The following KATNIP variants were observed in gnomAD, a reference collection of about 807,000 sequenced individuals.
KATNIP encodes the protein katanin-interacting protein.
KATNIP carries 126 observed loss-of-function variants against 174.0 expected under a neutral mutation model. The observed-to-expected ratio is 0.72, with a 90% CI of 0.63 to 0.84. KATNIP has a LOEUF of 0.84. Among genes scored for constraint, KATNIP ranks in the 40% least tolerant of loss-of-function variants. KATNIP has a pLI of 0.00. For missense variants in KATNIP, 1,958 were observed against 2,109.7 expected, an observed-to-expected ratio of 0.93 and a Z score of 1.41; for synonymous variants, 810 against 835.7, an observed-to-expected ratio of 0.97 and a Z score of 0.53.
chr16:27,730,613 C>T (rs560195206), intron 14 of KATNIP, among the ~76,000 whole-genome samples: 3 of 152,314 alleles, frequency 2.0e-5, no homozygotes, highest in South Asian at 2.1e-4. Flanking sequence ...ATACCTGACC[C>T]GTCTTGTTAC....
intron 18 of KATNIP, chr16:27,754,767 T>C (rs1473126319): frequency 6.6e-6 from 1 of 152,654 alleles, no homozygotes; most frequent in Non-Finnish European, 1.5e-5. Flanking sequence ...GTCGGAAATC[T>C]AGAGTCTTAC....
rs114740282 is a variant in KATNIP, at chr16:27,674,173, A to C, written c.541-3556A>C. On this transcript the variant is annotated intron_variant, in intron 6 of 27. Transcript: ENST00000261588. ...TAAATGTGTATCACCAATACTTGGT[A>C]TCAAGGGATGAAAGGGGGAGAACTC... Among the ~76,000 whole-genome samples, 1,005 of 152,338 alleles carry C rather than the reference A, an allele frequency of 6.6e-3. 15 individuals are homozygous for C. Among genetic ancestry groups the C allele is most frequent in the African/African-American group, 0.023 (967 of 41,576 alleles).
At chr16:27,648,568 TC>T in intron 5 of KATNIP, 35 bp from the exon 6 acceptor site, 1 of 1,612,850 alleles carries the variant, frequency 6.2e-7, no homozygotes, top group Non-Finnish European at 8.5e-7. Context: ...AAGACCTCAT[TC>T]CACCTTATCT....
intron 18 of KATNIP, chr16:27,754,535 C>T (rs1371803805): frequency 5.0e-6 from 2 of 400,968 alleles, no homozygotes; most frequent in Admixed American, 8.5e-5. Context: ...TGACCATGAC[C>T]CTGACCCAGG....
intron 1 of KATNIP, among the ~76,000 whole-genome samples, chr16:27,560,143 G>A (rs1441063688): frequency 3.3e-5 from 5 of 151,632 alleles, no homozygotes; most frequent in South Asian, 2.1e-4. Context: ...TTAGCCGGGC[G>A]TGGTGGCGGG....
chr16:27,592,909 G>T (rs2075223438), intron 2 of KATNIP, among the ~76,000 whole-genome samples: 2 of 152,098 alleles, frequency 1.3e-5, no homozygotes, highest in African/African-American at 4.8e-5. Context: ...TATTACTCAG[G>T]ACGTGGTTAA....
At chr16:27,665,154 T>G (rs1340307548) in intron 6 of KATNIP, among the ~76,000 whole-genome samples, 3 of 148,406 alleles carry the variant, frequency 2.0e-5, no homozygotes, top group African/African-American at 2.5e-5. Context: ...TGAGACAGGG[T>G]CTCACTCTGT....
chr16:27,756,435 A>T (rs2143927988), intron 18 of KATNIP, among the ~76,000 whole-genome samples: 1 of 152,288 alleles, frequency 6.6e-6, no homozygotes, highest in African/African-American at 2.4e-5. Flanking sequence ...TTTCCATGAG[A>T]TCAGGCAGCT....
At chr16:27,717,776 C>T (rs978008404) in intron 13 of KATNIP, among the ~76,000 whole-genome samples, 10 of 152,138 alleles carry the variant, frequency 6.6e-5, no homozygotes, top group African/African-American at 2.4e-4. Context: ...CCTCCAGGGC[C>T]CGCTTTACCT....
At chr16:27,684,936 A>C (rs2078470230) in intron 8 of KATNIP, among the ~76,000 whole-genome samples, 1 of 152,188 alleles carries the variant, frequency 6.6e-6, no homozygotes, top group Admixed American at 6.5e-5. Flanking sequence ...GGCCTCAATG[A>C]CCTTTTTAGG....
In KATNIP at chr16:27,766,159, G is replaced by T. The variant is rs1256331325; in HGVS notation, c.3810-150G>T. ...AGACGACTTCTGACTGTTGTTCTCA[G>T]CAGTCACACCTCCCCTTAACAAGCC... On this transcript the variant is annotated intron_variant, in intron 19 of 27. Transcript: ENST00000261588. 9.3e-6 allele frequency: 6 copies of T among 645,060 alleles called. No individual in the cohort carries two copies. In the East Asian group the frequency reaches 1.5e-4, roughly 16 times the overall value. 40.0% of individuals were successfully genotyped at this position (645,060 alleles called of 1,614,324 possible).
intron 15 of KATNIP, among the ~76,000 whole-genome samples, chr16:27,747,659 A>G (rs761152104): frequency 2.0e-5 from 3 of 151,966 alleles, no homozygotes; most frequent in African/African-American, 4.8e-5. Flanking sequence ...GGTGTCCCCA[A>G]AGGATCCCCC....
At chr16:27,602,192 A>G (rs369649090) in intron 2 of KATNIP, among the ~76,000 whole-genome samples, 30 of 152,216 alleles carry the variant, frequency 2.0e-4, no homozygotes, top group Admixed American at 7.2e-4. Context: ...GGCAGCCTCA[A>G]TCCTTCTACC....
rs1567376926 is a variant in KATNIP at position 27,740,478 on chromosome 16, T to C, written c.2181T>C (p.His727=). The change falls in exon 15 of 28, where the codon CAT becomes CAC. Residue 727 remains histidine (H), a synonymous_variant. Coordinates refer to ENST00000261588, the MANE Select transcript of KATNIP (RefSeq NM_015202.5). ...TSPPVKCPPV[H]EEPSLIQQLE... ...CACCTGTGAAGTGCCCTCCTGTCCATGAGGAGCCCTCTCTCATCCAACAAC... is the reference window on the plus strand; with the variant it reads ...CACCTGTGAAGTGCCCTCCTGTCCACGAGGAGCCCTCTCTCATCCAACAAC... 6.2e-7 allele frequency: 1 copy of C among 1,614,060 alleles called. No individual in the cohort carries two copies. Among genetic ancestry groups the C allele is most frequent in the South Asian group, 1.1e-5 (1 of 91,074 alleles).
At chr16:27,752,744 T>C (rs1031203089) in intron 17 of KATNIP, among the ~76,000 whole-genome samples, 1 of 151,916 alleles carries the variant, frequency 6.6e-6, no homozygotes. Flanking sequence ...TGTAGAGATG[T>C]GGTCTTGCTA....
intron 1 of KATNIP, among the ~76,000 whole-genome samples, chr16:27,560,264 AGAGT>A (rs1158915018): frequency 7.1e-6 from 1 of 141,716 alleles, no homozygotes; most frequent in Non-Finnish European, 1.5e-5. Flanking sequence ...CCTGGGCTAT[AGAGT>A]GAGACTCTGT....
At chr16:27,752,053 T>C in intron 17 of KATNIP, 129 bp downstream of exon 17, 1 of 602,400 alleles carries the variant, frequency 1.7e-6, no homozygotes. Context: ...ACATTTCCCA[T>C]CTTTCTACTT....
At chr16:27,756,310 T>C (rs1046845844) in intron 18 of KATNIP, among the ~76,000 whole-genome samples, 1 of 152,258 alleles carries the variant, frequency 6.6e-6, no homozygotes, top group Non-Finnish European at 1.5e-5. Flanking sequence ...GCAGCAGTTT[T>C]AAAGGCCAAC....
chr16:27,698,656 A>G (rs940535226), intron 9 of KATNIP, among the ~76,000 whole-genome samples, 156 bp downstream of exon 9: 2 of 152,208 alleles, frequency 1.3e-5, no homozygotes, highest in African/African-American at 4.8e-5. Flanking sequence ...ACAGTCACCC[A>G]CTGACCTGCT....
Sources: allele counts gnomAD v4.1 joint callset (sites outside exome capture counted in the v4.1 genomes callset), GRCh38; gene constraint gnomAD v4.1.1; transcripts MANE v1.5; gene names NCBI Gene and HGNC (gene_info 2026-07-23, HGNC 2026-07-21).